The following IPCEF1 variants were observed in gnomAD, a reference collection of about 807,000 sequenced individuals.
IPCEF1 encodes the protein interactor protein for cytohesin exchange factors 1.
In IPCEF1, 31 loss-of-function variants were observed where a neutral mutation model predicts 50.9. That is an observed-to-expected ratio of 0.61 (90% CI 0.46 to 0.82). The LOEUF is 0.82. Ranked by LOEUF, IPCEF1 falls within the 40% of genes least tolerant of loss-of-function variation. The pLI is 0.00. For missense variants in IPCEF1, 458 were observed against 514.0 expected (o/e 0.89, Z 1.05); for synonymous variants, 181 against 192.0 (o/e 0.94, Z 0.47).
chr6:154,300,595 C>A (rs1782766121), intron 1 of IPCEF1, among the ~76,000 whole-genome samples: 1 of 152,128 alleles, frequency 6.6e-6, no homozygotes, highest in African/African-American at 2.4e-5. Flanking sequence ...GCCTGGGTGA[C>A]ACAGTAAGAC....
intron 10 of IPCEF1, among the ~76,000 whole-genome samples, chr6:154,195,606 T>C (rs1168835735): frequency 2.0e-5 from 3 of 152,132 alleles, no homozygotes; most frequent in Admixed American, 1.3e-4. Flanking sequence ...CATGTACATA[T>C]CTTGCCACTT....
chr6:154,350,709 A>G (rs1287259469), intron 1 of IPCEF1, among the ~76,000 whole-genome samples: 2 of 152,132 alleles, frequency 1.3e-5, no homozygotes, highest in Non-Finnish European at 2.9e-5. Flanking sequence ...CCATACATCA[A>G]CGCAATTGGT....
chr6:154,279,463 C>T (rs964879218), intron 2 of IPCEF1, among the ~76,000 whole-genome samples: 3 of 152,162 alleles, frequency 2.0e-5, no homozygotes, highest in Non-Finnish European at 2.9e-5. Flanking sequence ...ATAAGGATAT[C>T]GTCCTACTTT....
rs147825052 is a variant in IPCEF1, at chr6:154,296,512, G to A, written c.-61-6756C>T. On this transcript the variant is annotated intron_variant, in intron 1 of 11. Transcript: ENST00000367220. ...GTCTGTATCTCTCCTTGACCAAAACGTATGTACCACCTAAAATGTTGTTAA... is the reference window on the plus strand; with the variant it reads ...GTCTGTATCTCTCCTTGACCAAAACATATGTACCACCTAAAATGTTGTTAA... Among the ~76,000 whole-genome samples, 490 of 152,222 alleles carry A rather than the reference G, an allele frequency of 3.2e-3. 3 individuals are homozygous for A. Among genetic ancestry groups the A allele is most frequent in the African/African-American group, 0.011 (468 of 41,528 alleles).
intron 10 of IPCEF1, among the ~76,000 whole-genome samples, chr6:154,190,507 A>G (rs1320114114): frequency 6.6e-6 from 1 of 152,136 alleles, no homozygotes; most frequent in African/African-American, 2.4e-5. Flanking sequence ...CACAGAAAAC[A>G]CCAAACGTTG....
intron 2 of IPCEF1, among the ~76,000 whole-genome samples, chr6:154,288,676 CAAA>C (rs558703057): frequency 0.071 from 3,336 of 46,838 alleles, 36 homozygotes; most frequent in South Asian, 0.32. Flanking sequence ...ACAAAAAAAA[CAAA>C]AAAAAAAAAA....
At chr6:154,246,824 C>CCTG in intron 4 of IPCEF1, 64 bp from the exon 5 acceptor site, 2 of 1,508,460 alleles carry the variant, frequency 1.3e-6, no homozygotes, top group Non-Finnish European at 8.9e-7. Flanking sequence ...AAGTATTATC[C>CCTG]TGATTTATGT....
At chr6:154,348,981 G>T (rs561170808) in intron 1 of IPCEF1, among the ~76,000 whole-genome samples, 2 of 152,046 alleles carry the variant, frequency 1.3e-5, no homozygotes, top group East Asian at 3.8e-4. Flanking sequence ...GTTTACAGCC[G>T]TTTGCTTAGT....
intron 3 of IPCEF1, among the ~76,000 whole-genome samples, chr6:154,249,165 A>C (rs1781275688): frequency 6.6e-6 from 1 of 152,174 alleles, no homozygotes; most frequent in African/African-American, 2.4e-5. Context: ...AATCCAGGCA[A>C]GTTATCATGA....
chr6:154,310,084 T>A (rs934673089), intron 1 of IPCEF1, among the ~76,000 whole-genome samples: 1 of 152,120 alleles, frequency 6.6e-6, no homozygotes, highest in South Asian at 2.1e-4. Flanking sequence ...ATTTTTAAAC[T>A]TTCCCTTTAG....
At chr6:154,214,721 G>C (rs1778245016) in intron 7 of IPCEF1, among the ~76,000 whole-genome samples, 1 of 151,980 alleles carries the variant, frequency 6.6e-6, no homozygotes, top group South Asian at 2.1e-4. Flanking sequence ...TTTAATCCAG[G>C]AATATTTTTA....
At chr6:154,178,222 G>A (rs1800524905) in intron 10 of IPCEF1, among the ~76,000 whole-genome samples, 1 of 151,940 alleles carries the variant, frequency 6.6e-6, no homozygotes, top group African/African-American at 2.4e-5. Flanking sequence ...AAACCACCAT[G>A]GCACATGTAT....
intron 11 of IPCEF1, 34 bp from the exon 12 acceptor site, chr6:154,160,074 G>T: frequency 6.7e-7 from 1 of 1,487,350 alleles, no homozygotes; most frequent in Non-Finnish European, 9.3e-7. Context: ...AAGGGGGTAT[G>T]TTGAGAGTGT....
chr6:154,158,935 T>C lies in IPCEF1; in HGVS notation c.*893A>G, dbSNP rs1798821235. The C allele has an allele frequency of 6.6e-6, 1 of 152,162 alleles. No individual in the cohort carries two copies. The highest frequency in any genetic ancestry group is 2.4e-5 in the African/African-American group (1 of 41,430). The allele number at this position is 152,162 out of a possible 1,614,324, so 9.4% of individuals were successfully genotyped here. ...TTTTTTGTTTTTTTGAGTAAAGATA[T>C]TAAAACAATTCAGATGCCAAAGTCG... is the stretch of plus-strand genomic sequence containing the variant. On this transcript the variant is annotated 3_prime_UTR_variant, in exon 12 of 12. Coordinates refer to ENST00000367220, the MANE Select transcript of IPCEF1 (RefSeq NM_001130700.2).
chr6:154,225,885 T>C (rs979900255), intron 5 of IPCEF1, among the ~76,000 whole-genome samples: 2 of 152,220 alleles, frequency 1.3e-5, no homozygotes, highest in Admixed American at 6.5e-5. Flanking sequence ...CCAGAGAAAC[T>C]GTAGAGACCA....
At chr6:154,279,915 C>T (rs1782164194) in intron 2 of IPCEF1, among the ~76,000 whole-genome samples, 1 of 152,256 alleles carries the variant, frequency 6.6e-6, no homozygotes, top group South Asian at 2.1e-4. Context: ...AGGAGAGACA[C>T]CAATCATTAA....
Position 154,155,904 on chromosome 6 carries a change from C to T in IPCEF1, c.*3924G>A, listed in dbSNP as rs1044511199. On this transcript the variant is annotated 3_prime_UTR_variant, in exon 12 of 12. Transcript: ENST00000367220. ...AAATATTTTTTCTTTGAATCTGTTT[C>T]ATCTCTGTGACATTGTTTGTGACTG... 7.9e-5 allele frequency: 12 copies of T among 152,132 alleles called. No homozygotes were observed. The highest frequency in any genetic ancestry group is 2.9e-4 in the African/African-American group (12 of 41,424). 9.4% of individuals were successfully genotyped at this position (152,132 alleles called of 1,614,324 possible).
At chr6:154,169,392 G>A (rs564524246) in intron 10 of IPCEF1, among the ~76,000 whole-genome samples, 1 of 152,048 alleles carries the variant, frequency 6.6e-6, no homozygotes, top group Non-Finnish European at 1.5e-5. Context: ...TCTAAACCAG[G>A]TATTGCTGAA....
At chr6:154,166,315 TAAAGATCTAG>T (rs1799426240) in intron 11 of IPCEF1, among the ~76,000 whole-genome samples, 1 of 152,196 alleles carries the variant, frequency 6.6e-6, no homozygotes, top group Non-Finnish European at 1.5e-5. Context: ...CATGGTGCCG[TAAAGATCTAG>T]AATCCTGAGT....
Sources: allele counts gnomAD v4.1 joint callset (sites outside exome capture counted in the v4.1 genomes callset), GRCh38; gene constraint gnomAD v4.1.1; transcripts MANE v1.5; gene names NCBI Gene and HGNC (gene_info 2026-07-23, HGNC 2026-07-21).